Variants in PPARGC1A observed in about 807,000 individuals in gnomAD.
The protein encoded by PPARGC1A is PPARG coactivator 1 alpha, also known as peroxisome proliferator-activated receptor gamma coactivator 1-alpha.
A neutral mutation model predicts 88.7 loss-of-function variants in PPARGC1A; 25 were observed. The ratio of observed to expected loss-of-function variants is 0.28; its 90% CI spans 0.21 to 0.39. The LOEUF (loss-of-function observed/expected upper bound fraction) is 0.39. Ranked by LOEUF, PPARGC1A falls within the 10% of genes least tolerant of loss-of-function variation. The pLI, the probability that PPARGC1A is intolerant of heterozygous loss-of-function variation, is 1.00. For missense variants in PPARGC1A, 880 were observed against 968.7 expected (o/e 0.91, Z 1.22); for synonymous variants, 363 against 355.6 (o/e 1.02, Z -0.24).
chr4:23,867,128 T>C (rs1266153435), intron 2 of PPARGC1A, among the ~76,000 whole-genome samples: 4 of 152,182 alleles, frequency 2.6e-5, no homozygotes, highest in Admixed American at 6.5e-5. Context: ...GCAACAATTA[T>C]CAAATTTCCT....
chr4:23,924,271 C>CT, the PPARGC1A span, among the ~76,000 whole-genome samples: 5 of 152,174 alleles, frequency 3.3e-5, no homozygotes, highest in Non-Finnish European at 7.4e-5. Flanking sequence ...TCCTCACTCC[C>CT]TTTTTTGGGG....
At chr4:24,378,668 T>C in the PPARGC1A span, among the ~76,000 whole-genome samples, 1 of 152,218 alleles carries the variant, frequency 6.6e-6, no homozygotes, top group Non-Finnish European at 1.5e-5. Flanking sequence ...AGTCTGTCTA[T>C]GGATTTTTGT....
chr4:24,137,392 ATG>A, the PPARGC1A span, among the ~76,000 whole-genome samples: 1 of 152,142 alleles, frequency 6.6e-6, no homozygotes, highest in Admixed American at 6.5e-5. Context: ...GTACTTTGTT[ATG>A]GTAGCCCGAG....
chr4:24,117,765 TTAA>T, the PPARGC1A span, among the ~76,000 whole-genome samples: 4 of 152,046 alleles, frequency 2.6e-5, no homozygotes, highest in Non-Finnish European at 4.4e-5. Context: ...ATAATTGCTA[TTAA>T]TAATAATTAG....
At chr4:24,315,049 G>C in the PPARGC1A span, among the ~76,000 whole-genome samples, 1 of 147,652 alleles carries the variant, frequency 6.8e-6, no homozygotes, top group East Asian at 2.0e-4. Flanking sequence ...GAAATCTAAA[G>C]AGACTAAAAA....
the PPARGC1A span, among the ~76,000 whole-genome samples, chr4:24,077,648 T>C: frequency 1.3e-5 from 2 of 148,912 alleles, no homozygotes; most frequent in African/African-American, 2.6e-5. Flanking sequence ...TGTGTGTGTG[T>C]GTGTGTGTGT....
the PPARGC1A span, among the ~76,000 whole-genome samples, chr4:24,300,589 C>T: frequency 2.6e-5 from 4 of 151,776 alleles, no homozygotes; most frequent in Non-Finnish European, 5.9e-5. Flanking sequence ...ATTAAATTGG[C>T]CCATCAGTTT....
intron 7 of PPARGC1A, among the ~76,000 whole-genome samples, chr4:23,816,339 G>A (rs1033352976): frequency 6.6e-6 from 1 of 151,998 alleles, no homozygotes; most frequent in Non-Finnish European, 1.5e-5. Context: ...TGAAACATCT[G>A]TGCCACTGAG....
chr4:24,289,466 C>A, the PPARGC1A span, among the ~76,000 whole-genome samples: 2 of 152,192 alleles, frequency 1.3e-5, no homozygotes, highest in African/African-American at 4.8e-5. Flanking sequence ...TCTACTTCAC[C>A]AACATCTCAT....
At chr4:24,077,187 G>A in the PPARGC1A span, among the ~76,000 whole-genome samples, 1 of 152,028 alleles carries the variant, frequency 6.6e-6, no homozygotes. Flanking sequence ...TTCACTCAAG[G>A]AATATCTTTG....
the PPARGC1A span, among the ~76,000 whole-genome samples, chr4:24,452,779 C>T: frequency 6.2e-4 from 94 of 152,132 alleles, no homozygotes; most frequent in African/African-American, 2.0e-3. Flanking sequence ...TAAAAAATAG[C>T]GGCAAAAAAT....
the PPARGC1A span, among the ~76,000 whole-genome samples, chr4:23,936,681 G>A: frequency 6.6e-6 from 1 of 152,112 alleles, no homozygotes; most frequent in Non-Finnish European, 1.5e-5. Context: ...AGACCAGCTT[G>A]GGCGACATGG....
At chr4:24,085,320 G>A in the PPARGC1A span, among the ~76,000 whole-genome samples, 1 of 152,134 alleles carries the variant, frequency 6.6e-6, no homozygotes, top group African/African-American at 2.4e-5. Flanking sequence ...CCTTGCACTT[G>A]TAGAATGCTT....
chr4:24,288,930 A>G, the PPARGC1A span, among the ~76,000 whole-genome samples: 2 of 152,146 alleles, frequency 1.3e-5, no homozygotes, highest in African/African-American at 2.4e-5. Context: ...CTGCTCAAAG[A>G]AAAAGTTAGG....
the PPARGC1A span, among the ~76,000 whole-genome samples, chr4:24,171,144 G>T: frequency 6.6e-6 from 1 of 152,060 alleles, no homozygotes; most frequent in Non-Finnish European, 1.5e-5. Flanking sequence ...AGGCGCGGTG[G>T]CTCACGCCTG....
chr4:24,076,963 T>C, the PPARGC1A span, among the ~76,000 whole-genome samples: 1 of 152,164 alleles, frequency 6.6e-6, no homozygotes, highest in African/African-American at 2.4e-5. Flanking sequence ...CTTTTTTGTT[T>C]CCCCTGAAGT....
upstream of PPARGC1A, among the ~76,000 whole-genome samples, chr4:23,900,974 C>T (rs1719264981): frequency 6.6e-6 from 1 of 152,170 alleles, no homozygotes; most frequent in Non-Finnish European, 1.5e-5. Flanking sequence ...CCTGTAATCC[C>T]AACACTTTGG....
chr4:24,215,152 C>G, the PPARGC1A span, among the ~76,000 whole-genome samples: 1 of 152,228 alleles, frequency 6.6e-6, no homozygotes, highest in Admixed American at 6.5e-5. Flanking sequence ...CCCAGCCTGG[C>G]TGTCACCTGG....
At chr4:23,949,335 T>C in the PPARGC1A span, among the ~76,000 whole-genome samples, 47 of 152,304 alleles carry the variant, frequency 3.1e-4, no homozygotes, top group African/African-American at 1.1e-3. Flanking sequence ...CGATTCTCTC[T>C]GTGCTGGGCT....
Sources: gnomAD v4.1 joint callset for allele counts (sites outside exome capture counted in the v4.1 genomes callset) on GRCh38, gnomAD v4.1.1 for gene constraint, MANE v1.5 for transcripts, NCBI Gene and HGNC (gene_info 2026-07-23, HGNC 2026-07-21) for gene names.